The following WWP1 variants were observed in gnomAD, a reference collection of about 807,000 sequenced individuals.
WWP1 encodes the protein NEDD4-like E3 ubiquitin-protein ligase WWP1.
Under a neutral mutation model 130.6 loss-of-function variants are expected in WWP1, and 49 were observed. The observed-to-expected ratio is 0.38, with a 90% CI of 0.30 to 0.48. The LOEUF (loss-of-function observed/expected upper bound fraction) is 0.48, where lower values mean the gene tolerates loss of function less well. Among genes scored for constraint, WWP1 ranks in the 20% least tolerant of loss-of-function variants. The pLI is 0.99. For synonymous variants in WWP1, 332 were observed against 367.8 expected (o/e 0.90, Z 1.11); for missense variants, 809 against 1,100.6 (o/e 0.74, Z 3.75).
rs1245366967 is a variant in WWP1, at chr8:86,430,745, G to T, written c.1381G>T (p.Gly461Cys). The T allele has an allele frequency of 6.4e-7, 1 of 1,555,754 alleles. No individual in the cohort carries two copies. The highest frequency in any genetic ancestry group is 8.7e-7 in the Non-Finnish European group (1 of 1,149,500). ...ENDPYGPLPPGWEKRVDSTDR... is the reference protein window; with the variant it reads ...ENDPYGPLPPCWEKRVDSTDR... ...TGACCCTTATGGACCTTTGCCACCA[G>T]GCTGGGGTAAGCTGTTTTTGCTAAT... Residue 461 changes from glycine to cysteine, a missense_variant, in exon 12 of 25, where the codon GGC (glycine) becomes TGC (cysteine). Transcript: ENST00000517970.
At chr8:86,359,353 G>A in intron 1 of WWP1, among the ~76,000 whole-genome samples, 1 of 152,052 alleles carries the variant, frequency 6.6e-6, no homozygotes, top group East Asian at 1.9e-4. Flanking sequence ...CTATTAAAAT[G>A]AGCTGGAAGA....
chr8:86,404,561 T>G (rs554392853), intron 8 of WWP1, among the ~76,000 whole-genome samples: 1 of 152,334 alleles, frequency 6.6e-6, no homozygotes, highest in South Asian at 2.1e-4. Context: ...AAAATGGATG[T>G]GAGGAACATG....
At chr8:86,405,936 C>A (rs1231438344) in intron 8 of WWP1, among the ~76,000 whole-genome samples, 1 of 152,166 alleles carries the variant, frequency 6.6e-6, no homozygotes, top group Non-Finnish European at 1.5e-5. Flanking sequence ...GGGTTTAAGA[C>A]AAACGATATA....
At chr8:86,344,208 A>G (rs1822428349) in intron 1 of WWP1, among the ~76,000 whole-genome samples, 1 of 152,196 alleles carries the variant, frequency 6.6e-6, no homozygotes, top group Non-Finnish European at 1.5e-5. Context: ...TCAGATTGAG[A>G]ATTGTAAAGT....
intron 9 of WWP1, among the ~76,000 whole-genome samples, chr8:86,414,037 T>G (rs956338362): frequency 5.9e-5 from 9 of 152,216 alleles, no homozygotes; most frequent in Non-Finnish European, 1.5e-5. Context: ...TGTCACCACT[T>G]ATGATCTTTG....
chr8:86,415,057 C>A (rs927124620), intron 9 of WWP1, among the ~76,000 whole-genome samples: 2 of 152,062 alleles, frequency 1.3e-5, no homozygotes, highest in African/African-American at 4.8e-5. Context: ...ACCAAGGAGG[C>A]AGTTATATGT....
chr8:86,440,316 G>T (rs181754301), intron 17 of WWP1, among the ~76,000 whole-genome samples: 162 of 152,134 alleles, frequency 1.1e-3, no homozygotes, highest in Admixed American at 2.2e-3. Context: ...TTTAATTCAT[G>T]TATTGGTGGG....
chr8:86,453,141 T>G (rs12679811), intron 21 of WWP1, among the ~76,000 whole-genome samples: 1 of 151,882 alleles, frequency 6.6e-6, no homozygotes, highest in African/African-American at 2.4e-5. Flanking sequence ...GTGCATCCAA[T>G]CTCCAGAAAT....
chr8:86,345,006 A>G (rs538707797), intron 1 of WWP1, among the ~76,000 whole-genome samples: 4 of 152,298 alleles, frequency 2.6e-5, no homozygotes, highest in Admixed American at 2.6e-4. Flanking sequence ...TTAGTGGGAT[A>G]GAGGTCTGTA....
At position 86,419,424 on chromosome 8, in the gene WWP1, C is replaced by T. The variant is rs139284751; in HGVS notation, c.1062-5799C>T. 1.7e-3 allele frequency among the ~76,000 whole-genome samples: 264 copies of T among 152,240 alleles called. 3 individuals carry two copies. The highest frequency in any genetic ancestry group is 6.1e-3 in the African/African-American group (254 of 41,544). On this transcript the variant is annotated intron_variant, in intron 9 of 24. Transcript: ENST00000517970. ...CAGAGCGAGATTCCATCTCAAAAAACAAAAGATAACAGACTATTTTAATAT... is the reference window on the plus strand; with the variant it reads ...CAGAGCGAGATTCCATCTCAAAAAATAAAAGATAACAGACTATTTTAATAT...
intron 5 of WWP1, among the ~76,000 whole-genome samples, chr8:86,386,108 G>C (rs1825269299): frequency 6.6e-6 from 1 of 152,180 alleles, no homozygotes; most frequent in Non-Finnish European, 1.5e-5. Flanking sequence ...TGACTGCTGT[G>C]TTCAGCTAGT....
intron 10 of WWP1, among the ~76,000 whole-genome samples, chr8:86,426,617 A>G (rs1809639188): frequency 6.6e-6 from 1 of 152,192 alleles, no homozygotes; most frequent in Admixed American, 6.5e-5. Context: ...AGGCCCTTGT[A>G]GGATCTCAGG....
At position 86,347,695 on chromosome 8, in the gene WWP1, T is replaced by C. The variant is rs534612145; in HGVS notation, c.-115+4765T>C. Among the ~76,000 whole-genome samples, 4 of 152,366 alleles carry C rather than the reference T, an allele frequency of 2.6e-5. No homozygotes were observed. The East Asian group carries it at 7.7e-4, about 29-fold the overall frequency. On this transcript the variant is annotated intron_variant, in intron 1 of 24. Transcript: ENST00000517970. Reference sequence around the variant, plus strand: ...TTGATTTCTTATCTGGAAAAGTACATTGGTGAAATGTAGATATTTATTTTT... The same window carrying C: ...TTGATTTCTTATCTGGAAAAGTACACTGGTGAAATGTAGATATTTATTTTT...
intron 9 of WWP1, among the ~76,000 whole-genome samples, chr8:86,420,611 A>G (rs190258807): frequency 6.6e-6 from 1 of 152,314 alleles, no homozygotes; most frequent in East Asian, 1.9e-4. Context: ...CAATAAGTCA[A>G]GGAAGTTAAT....
intron 5 of WWP1, among the ~76,000 whole-genome samples, chr8:86,390,217 G>A (rs187513495): frequency 7.3e-5 from 11 of 150,952 alleles, no homozygotes; most frequent in South Asian, 2.1e-4. Flanking sequence ...CAGACTGGGC[G>A]GCCGGGCAGA....
At chr8:86,362,256 AT>A (rs1286686094) in intron 1 of WWP1, among the ~76,000 whole-genome samples, 1 of 130,670 alleles carries the variant, frequency 7.7e-6, no homozygotes, top group Non-Finnish European at 1.6e-5. Context: ...AGTTTCTTTG[AT>A]TATTGATCAC....
In WWP1 at chr8:86,353,679, C is replaced by T. The variant is rs1206950466; in HGVS notation, c.-115+10749C>T. The stretch of plus-strand genomic sequence containing the variant: ...CTAATTTTTGTAGAGATGGGGGTTT[C>T]ACCATGTTGGCCAGGCTGGTCTCGA... On this transcript the variant is annotated intron_variant, in intron 1 of 24. Transcript: ENST00000517970. Among the ~76,000 whole-genome samples, 3 of 152,040 alleles carry T rather than the reference C, an allele frequency of 2.0e-5. No individual in the cohort carries two copies. In the East Asian group the frequency reaches 5.8e-4, roughly 29 times the overall value.
At chr8:86,434,334 A>AT (rs1810164998) in intron 14 of WWP1, among the ~76,000 whole-genome samples, 1 of 152,108 alleles carries the variant, frequency 6.6e-6, no homozygotes, top group Admixed American at 6.6e-5. Flanking sequence ...GCTCCTCCTC[A>AT]TTCACCGTGT....
At chr8:86,375,348 G>T (rs1325373256) in intron 3 of WWP1, among the ~76,000 whole-genome samples, 1 of 151,330 alleles carries the variant, frequency 6.6e-6, no homozygotes, top group Non-Finnish European at 1.5e-5. Context: ...CATTTACATA[G>T]TCCCAGAGTC....
Sources: allele counts gnomAD v4.1 joint callset (sites outside exome capture counted in the v4.1 genomes callset), GRCh38; gene constraint gnomAD v4.1.1; transcripts MANE v1.5; gene names NCBI Gene and HGNC (gene_info 2026-07-23, HGNC 2026-07-21).